The following ZNF665 variants were observed in gnomAD, a reference collection of about 807,000 sequenced individuals.
The protein encoded by ZNF665 is zinc finger protein 665.
A neutral mutation model predicts 7.9 loss-of-function variants in ZNF665; 6 were observed. That is an observed-to-expected ratio of 0.76 (90% confidence interval 0.42 to 1.50). The LOEUF (loss-of-function observed/expected upper bound fraction) is 1.50. Ranked by LOEUF, ZNF665 falls within the 40% of genes most tolerant of loss-of-function variation. The pLI is 0.01. For missense variants in ZNF665, 819 were observed against 806.7 expected (o/e 1.02, Z -0.18); for synonymous variants, 242 against 274.5 (o/e 0.88, Z 1.17).
In ZNF665 at chr19:53,165,046, C is replaced by A; in HGVS notation, c.1444G>T (p.Gly482Ter). The A allele has an allele frequency of 6.2e-7, 1 of 1,614,098 alleles. No homozygotes were observed. Among genetic ancestry groups the A allele is most frequent in the Non-Finnish European group, 8.5e-7 (1 of 1,180,038 alleles). Residue 482 changes from glycine to a stop codon, truncating the protein, a stop_gained, in exon 4 of 4, where the codon GGA becomes TGA. Transcript: ENST00000396424. LOFTEE classifies it low-confidence loss of function (END_TRUNC). Reference protein sequence around the residue: ...HLASHRGIHSGEKPYKCDECG... With the variant: ...HLASHRGIHS ...TCATCACACTTGTAAGGTTTCTCTC[C>A]AGAATGAATTCCCCGATGACTTGCA...
At chr19:53,191,584 C>T (rs970386635) in intron 1 of ZNF665, 12 of 152,200 alleles carry the variant, frequency 7.9e-5, no homozygotes, top group Admixed American at 2.6e-4. Flanking sequence ...TGGCTCATGC[C>T]TGTAATCCCA....
intron 1 of ZNF665, among the ~76,000 whole-genome samples, chr19:53,189,527 G>C (rs542080049): frequency 7.5e-5 from 11 of 147,054 alleles, no homozygotes; most frequent in African/African-American, 2.3e-4. Context: ...GAGACAGAGA[G>C]AAAGACAGCT....
rs577091775 is a variant in ZNF665 at position 53,176,695 on chromosome 19, G to A, written c.16-1124C>T. Among the ~76,000 whole-genome samples the A allele has an allele frequency of 1.5e-3, 230 of 152,342 alleles. 2 individuals are homozygous for A. The highest frequency in any genetic ancestry group is 5.1e-3 in the African/African-American group (210 of 41,570). On this transcript the variant is annotated intron_variant, in intron 2 of 3. Coordinates refer to ENST00000396424, the MANE Select transcript of ZNF665 (RefSeq NM_024733.5). ...TGGGATGTGATGCCATATCCAGACA[G>A]TGTAAGAACTGAACTGAATGGGAGG...
At position 53,175,515 on chromosome 19, in the gene ZNF665, G is replaced by C. The variant is rs759052818; in HGVS notation, c.72C>G (p.Cys24Trp). The C allele has an allele frequency of 8.7e-6, 14 of 1,612,340 alleles. 1 individual carries two copies. The highest frequency in any genetic ancestry group is 1.6e-4 in the Middle Eastern group (1 of 6,080). The change falls in exon 3 of 4, where the codon TGC becomes TGG. Residue 24 changes from cysteine to tryptophan, a missense_variant. By Grantham distance (215) the Cys-to-Trp change is radical. Transcript: ENST00000396424. Reference protein sequence around the residue: ...AIEFSQEEWTCLDPAQKTLYR... With the variant: ...AIEFSQEEWTWLDPAQKTLYR... ...ACAAAGTCTTCTGAGCAGGGTCCAG[G>C]CATGTCCACTCCTCCTGAGAGAATT...
At position 53,164,724 on chromosome 19, in the gene ZNF665, T is replaced by C. The variant is rs1568651544; in HGVS notation, c.1766A>G (p.Gln589Arg). 2 of 1,614,052 alleles carry C rather than the reference T, an allele frequency of 1.2e-6. No individual in the cohort carries two copies. The highest frequency in any genetic ancestry group is 1.7e-6 in the Non-Finnish European group (2 of 1,179,958). Residue 589 changes from glutamine (Q) to arginine (R), a missense_variant, in exon 4 of 4, where the codon CAG (glutamine) becomes CGG (arginine). Gln to Arg is a conservative substitution (Grantham distance 43). Coordinates refer to ENST00000396424, the MANE Select transcript of ZNF665 (RefSeq NM_024733.5). ...FSVHSNLATH[Q>R]VIHTGEKPYK... ...AGGTTTTTCTCCAGTATGGATGACC[T>C]GATGGGTAGCTAGGTTTGAATGTAC...
intron 1 of ZNF665, among the ~76,000 whole-genome samples, chr19:53,185,008 C>T (rs973266809): frequency 3.3e-5 from 5 of 152,204 alleles, no homozygotes; most frequent in African/African-American, 1.2e-4. Context: ...TTTGCTACTG[C>T]TATCTAAAGG....
chr19:53,191,405 A>T (rs1334214446), intron 1 of ZNF665, among the ~76,000 whole-genome samples: 1 of 152,232 alleles, frequency 6.6e-6, no homozygotes, highest in Non-Finnish European at 1.5e-5. Context: ...GAGTCAAGTC[A>T]CTGCTCTCTT....
At chr19:53,169,244 T>C (rs1022369735) in intron 3 of ZNF665, among the ~76,000 whole-genome samples, 2 of 151,992 alleles carry the variant, frequency 1.3e-5, no homozygotes, top group Admixed American at 6.6e-5. Context: ...ATTTTAAACA[T>C]TGGAAAATGA....
intron 2 of ZNF665, among the ~76,000 whole-genome samples, chr19:53,177,758 C>T (rs1180355929): frequency 6.6e-6 from 1 of 152,134 alleles, no homozygotes; most frequent in African/African-American, 2.4e-5. Flanking sequence ...ATAGCAATGA[C>T]AGGGATTTAA....
chr19:53,178,632 A>G (rs192321240), intron 2 of ZNF665, among the ~76,000 whole-genome samples: 4 of 152,180 alleles, frequency 2.6e-5, no homozygotes, highest in African/African-American at 4.8e-5. Context: ...AAATGAGAGA[A>G]TGTTGGAGAA....
At chr19:53,171,653 C>T (rs1054518971) in intron 3 of ZNF665, among the ~76,000 whole-genome samples, 2 of 151,036 alleles carry the variant, frequency 1.3e-5, no homozygotes, top group Non-Finnish European at 3.0e-5. Flanking sequence ...CTCAGCCTCC[C>T]GAGTAGCTGG....
intron 3 of ZNF665, among the ~76,000 whole-genome samples, chr19:53,167,916 C>T (rs1375137740): frequency 6.7e-6 from 1 of 149,176 alleles, no homozygotes; most frequent in African/African-American, 2.4e-5. Context: ...ATTCGCCATG[C>T]GTTGTGGCGG....
In ZNF665 at chr19:53,175,440, C is replaced by G; in HGVS notation, c.142+5G>C. ...CCCTGACTTCTAAAAGAAAGTCATCCTCACCCAGGGAGACCAGGTTCCTAT... is the reference window on the plus strand; with the variant it reads ...CCCTGACTTCTAAAAGAAAGTCATCGTCACCCAGGGAGACCAGGTTCCTAT... On this transcript the variant is annotated splice_donor_5th_base_variant and intron_variant, in intron 3 of 3. Coordinates refer to ENST00000396424, the MANE Select transcript of ZNF665 (RefSeq NM_024733.5). 6.2e-7 allele frequency: 1 copy of G among 1,603,378 alleles called. No homozygotes were observed. The highest frequency in any genetic ancestry group is 1.3e-5 in the African/African-American group (1 of 74,250).
chr19:53,179,028 T>C (rs1186357621), intron 2 of ZNF665, among the ~76,000 whole-genome samples: 1 of 152,180 alleles, frequency 6.6e-6, no homozygotes, highest in Non-Finnish European at 1.5e-5. Context: ...AATTCAGGAC[T>C]TTCTCACTGG....
intron 2 of ZNF665, among the ~76,000 whole-genome samples, chr19:53,176,794 G>C (rs2090701707): frequency 6.6e-6 from 1 of 152,208 alleles, no homozygotes; most frequent in Non-Finnish European, 1.5e-5. Context: ...TGGGAGAACG[G>C]AAGCATTCTG....
chr19:53,175,864 A>G (rs1022257425), intron 2 of ZNF665, among the ~76,000 whole-genome samples: 1 of 152,216 alleles, frequency 6.6e-6, no homozygotes, highest in Non-Finnish European at 1.5e-5. Context: ...AGACCAAGGC[A>G]AGATTACAGG....
chr19:53,173,087 C>T, intron 3 of ZNF665, among the ~76,000 whole-genome samples: 1 of 152,154 alleles, frequency 6.6e-6, no homozygotes, highest in East Asian at 1.9e-4. Flanking sequence ...GTTGCACAAG[C>T]TTCTGGGCTC....
rs2090744464 is a variant in ZNF665 at position 53,182,373 on chromosome 19, C to T, written c.15+511G>A. 9 of 326,234 alleles carry T rather than the reference C, an allele frequency of 2.8e-5. No homozygotes were observed. In the South Asian group the frequency reaches 2.9e-4, roughly 10 times the overall value. The allele number at this position is 326,234 out of a possible 1,614,324, so 20.2% of individuals were successfully genotyped here. A position where few individuals can be genotyped will look rare whatever the true frequency, so the allele number is the denominator to read the frequency against. ...GCGACAGAGCGAGACTCTGTCTCAA[C>T]AAAAACAACAAAAAAAAGGAGTTTG... On this transcript the variant is annotated intron_variant, in intron 2 of 3. Transcript: ENST00000396424.
At chr19:53,171,895 C>T (rs1169140518) in intron 3 of ZNF665, among the ~76,000 whole-genome samples, 1 of 152,000 alleles carries the variant, frequency 6.6e-6, no homozygotes, top group African/African-American at 2.4e-5. Flanking sequence ...GCTGGGATTA[C>T]AGGCATGTGC....
Sources: allele counts gnomAD v4.1 joint callset (sites outside exome capture counted in the v4.1 genomes callset), GRCh38; gene constraint gnomAD v4.1.1; transcripts MANE v1.5; gene names NCBI Gene and HGNC (gene_info 2026-07-23, HGNC 2026-07-21).